STAMBP: variants seen among roughly 807,000 people sequenced by gnomAD.
STAMBP encodes the protein STAM binding protein, also known as STAM-binding protein.
STAMBP carries 31 observed loss-of-function variants against 50.7 expected under a neutral mutation model. The observed-to-expected ratio is 0.61, with a 90% CI of 0.46 to 0.83. The LOEUF is 0.83. STAMBP is among the 40% of genes least tolerant of loss of function. STAMBP has a pLI of 0.00. For synonymous variants in STAMBP, 211 were observed against 192.4 expected, an observed-to-expected ratio of 1.10 and a Z score of -0.80; for missense variants, 472 against 518.9, an observed-to-expected ratio of 0.91 and a Z score of 0.88.
At chr2:73,853,534 C>T (rs998559509) in intron 7 of STAMBP, among the ~76,000 whole-genome samples, 42 of 152,084 alleles carry the variant, frequency 2.8e-4, no homozygotes, top group Admixed American at 9.8e-4. Flanking sequence ...CCAGCCTGGC[C>T]AACATAGTGA....
chr2:73,834,159 C>T (rs762512629), intron 2 of STAMBP, among the ~76,000 whole-genome samples: 23 of 135,204 alleles, frequency 1.7e-4, no homozygotes, highest in Non-Finnish European at 3.5e-4. Flanking sequence ...TGCAGTGAGC[C>T]GAGATCACGC....
chr2:73,831,150 A>G (rs1673869741), intron 2 of STAMBP, 91 bp downstream of exon 2: 4 of 1,012,952 alleles, frequency 3.9e-6, no homozygotes, highest in Non-Finnish European at 6.1e-6. Flanking sequence ...ACTTCACAAT[A>G]TCATCAACAT....
At chr2:73,839,228 A>G (rs1452040133) in intron 2 of STAMBP, among the ~76,000 whole-genome samples, 2 of 152,178 alleles carry the variant, frequency 1.3e-5, no homozygotes, top group African/African-American at 4.8e-5. Context: ...AGCTTCCCTA[A>G]TGTAGGAATG....
rs188103957 is a variant in STAMBP at position 73,837,381 on chromosome 2, C to T, written c.203+6322C>T. Among the ~76,000 whole-genome samples the T allele has an allele frequency of 5.8e-3, 884 of 151,984 alleles. 41 individuals carry two copies. The East Asian group carries it at 0.13, about 23-fold the overall frequency. ...CTGGCGGATCACGAGGTCAGGAGAT[C>T]GAGACCATCCTGGCTAACATGGTGA... On this transcript the variant is annotated intron_variant, in intron 2 of 9. Transcript: ENST00000394070.
chr2:73,834,283 A>ATG (rs1674447050), intron 2 of STAMBP, among the ~76,000 whole-genome samples: 6 of 90,332 alleles, frequency 6.6e-5, no homozygotes, highest in Non-Finnish European at 8.2e-5. Context: ...ATATATATAT[A>ATG]TATAAAGTTT....
intron 7 of STAMBP, among the ~76,000 whole-genome samples, chr2:73,851,412 C>A (rs1420217527): frequency 1.3e-5 from 2 of 152,158 alleles, no homozygotes; most frequent in African/African-American, 4.8e-5. Context: ...ATAACTTCAC[C>A]TGGGGCAGAA....
In STAMBP at chr2:73,831,079, C is replaced by T. The variant is rs1202379189; in HGVS notation, c.203+20C>T. 2 of 1,606,582 alleles carry T rather than the reference C, an allele frequency of 1.2e-6. No individual in the cohort carries two copies. The highest frequency in any genetic ancestry group is 1.1e-5 in the South Asian group (1 of 90,888). On this transcript the variant is annotated intron_variant, in intron 2 of 9. Transcript: ENST00000394070. The stretch of plus-strand genomic sequence containing the variant: ...TATCACGTAAGACACCTACAGTTTC[C>T]TTTTTCCTTTCTGGTGACTGGTGCC...
intron 4 of STAMBP, among the ~76,000 whole-genome samples, chr2:73,845,739 C>T (rs1399743961): frequency 1.3e-5 from 2 of 150,828 alleles, no homozygotes; most frequent in East Asian, 1.9e-4. Context: ...TCAAGTGATT[C>T]TCCTACCTCA....
chr2:73,855,805 T>C, intron 7 of STAMBP: 3 of 397,258 alleles, frequency 7.6e-6, no homozygotes, highest in South Asian at 5.5e-5. Context: ...TAGTGAGCTT[T>C]CAAGAAAAAT....
chr2:73,870,687 T>C (rs2104767948), downstream of STAMBP, among the ~76,000 whole-genome samples: 2 of 152,330 alleles, frequency 1.3e-5, no homozygotes, highest in South Asian at 4.1e-4. Context: ...CATAATTCCC[T>C]ATGGTTAGCT....
chr2:73,868,682 G>A (rs1260247186), downstream of STAMBP, among the ~76,000 whole-genome samples: 2 of 151,892 alleles, frequency 1.3e-5, no homozygotes, highest in African/African-American at 4.8e-5. Context: ...CCAGGGATTC[G>A]AGACCAGCCT....
Position 73,845,220 on chromosome 2 carries a change from A to T in STAMBP, c.333A>T (p.Leu111Phe), listed in dbSNP as rs1237792467. 1 of 1,614,030 alleles carries T rather than the reference A, an allele frequency of 6.2e-7. No individual in the cohort carries two copies. Among genetic ancestry groups the T allele is most frequent in the Admixed American group, 1.7e-5 (1 of 60,030 alleles). The part of the protein sequence containing the change: ...PKAEELKAEL[L>F]KRYTKEYTEY... ...CAGAAGAGCTGAAGGCAGAGCTGTT[A>T]AAACGATATACCAAAGAATATACAG... Residue 111 changes from leucine to phenylalanine, a missense_variant, in exon 4 of 10, where the codon TTA (leucine) becomes TTT (phenylalanine). Transcript: ENST00000394070.
chr2:73,859,339 C>T lies in STAMBP; in HGVS notation c.1091C>T (p.Ala364Val). ...CAGATGATGTTGCCAGAGTCAGTAG[C>T]CATTGTTTGCTCCCCCAAGTTCCAG... ...SYQMMLPESV[A>V]IVCSPKFQET... Residue 364 changes from alanine (A) to valine (V), a missense_variant, in exon 8 of 10, where the codon GCC (alanine) becomes GTC (valine). By Grantham distance (64) the Ala-to-Val change is moderately conservative. Coordinates refer to ENST00000394070, the MANE Select transcript of STAMBP (RefSeq NM_213622.4). 3 of 1,614,136 alleles carry T rather than the reference C, an allele frequency of 1.9e-6. No homozygotes were observed. Among genetic ancestry groups the T allele is most frequent in the Non-Finnish European group, 2.5e-6 (3 of 1,179,982 alleles).
In STAMBP at chr2:73,845,236, G is replaced by T. The variant is rs368769707; in HGVS notation, c.349G>T (p.Glu117Ter). The change falls in exon 4 of 10, where the codon GAA becomes TAA. Residue 117 changes from glutamate to a stop codon, truncating the protein, a stop_gained. Transcript: ENST00000394070. LOFTEE classifies it high-confidence loss of function. ...KAELLKRYTKEYTEYNEEKKK... is the reference protein window; with the variant it reads ...KAELLKRYTK ...AGAGCTGTTAAAACGATATACCAAAGAATATACAGAATATAATGAAGAAAA... is the reference window on the plus strand; with the variant it reads ...AGAGCTGTTAAAACGATATACCAAATAATATACAGAATATAATGAAGAAAA... 1.2e-6 allele frequency: 2 copies of T among 1,613,354 alleles called. No individual in the cohort carries two copies. Among genetic ancestry groups the T allele is most frequent in the African/African-American group, 2.7e-5 (2 of 74,890 alleles).
At chr2:73,855,957 A>G (rs1322257620) in intron 7 of STAMBP, among the ~76,000 whole-genome samples, 1 of 152,170 alleles carries the variant, frequency 6.6e-6, no homozygotes, top group Non-Finnish European at 1.5e-5. Context: ...CTTTTCTGTC[A>G]GTGAAGGTTG....
At position 73,847,384 on chromosome 2, in the gene STAMBP, T is replaced by G. The variant is rs1553381817; in HGVS notation, c.376-3T>G. 1.3e-6 allele frequency: 2 copies of G among 1,591,432 alleles called. No homozygotes were observed. Among genetic ancestry groups the G allele is most frequent in the Admixed American group, 3.5e-5 (2 of 56,910 alleles). On this transcript the variant is annotated splice_polypyrimidine_tract_variant and splice_region_variant and intron_variant, in intron 4 of 9. Coordinates refer to ENST00000394070, the MANE Select transcript of STAMBP (RefSeq NM_213622.4). Reference sequence around the variant, plus strand: ...TGTTAGCCTAAATTTTCTCTCTTTGTAGAAGAAGGAAGCAGAGGAATTGGC... The same window carrying G: ...TGTTAGCCTAAATTTTCTCTCTTTGGAGAAGAAGGAAGCAGAGGAATTGGC...
chr2:73,852,367 A>G (rs1676936302), intron 7 of STAMBP, among the ~76,000 whole-genome samples: 1 of 152,146 alleles, frequency 6.6e-6, no homozygotes, highest in Non-Finnish European at 1.5e-5. Context: ...TTCAGTTCTG[A>G]GCATGTTAAA....
At chr2:73,839,663 A>G (rs1006207143) in intron 2 of STAMBP, among the ~76,000 whole-genome samples, 2 of 152,212 alleles carry the variant, frequency 1.3e-5, no homozygotes, top group Non-Finnish European at 2.9e-5. Flanking sequence ...ACGATTTAAA[A>G]AATTTTTCAA....
At chr2:73,860,550 A>C (rs1174338444) in intron 9 of STAMBP, 1 of 987,044 alleles carries the variant, frequency 1.0e-6, no homozygotes, top group East Asian at 1.1e-4. Context: ...CTTCAATAAG[A>C]GATTTGAAGG....
Sources: gnomAD v4.1 joint callset for allele counts (sites outside exome capture counted in the v4.1 genomes callset) on GRCh38, gnomAD v4.1.1 for gene constraint, MANE v1.5 for transcripts, NCBI Gene and HGNC (gene_info 2026-07-23, HGNC 2026-07-21) for gene names.